ADGRF5: variants seen among roughly 807,000 people sequenced by gnomAD.
ADGRF5 encodes G-protein coupled receptor 116.
ADGRF5 carries 75 observed loss-of-function variants against 132.3 expected under a neutral mutation model. The ratio of observed to expected loss-of-function variants is 0.57; its 90% CI spans 0.47 to 0.69. ADGRF5 has a LOEUF of 0.69. Ranked by LOEUF, ADGRF5 falls within the 30% of genes least tolerant of loss-of-function variation. The pLI, the probability that ADGRF5 is intolerant of heterozygous loss-of-function variation, is 0.00. For synonymous variants in ADGRF5, 629 were observed against 597.6 expected (o/e 1.05, Z -0.77); for missense variants, 1,516 against 1,630.6 (o/e 0.93, Z 1.21).
At position 46,871,845 on chromosome 6, in the gene ADGRF5, A is replaced by T; in HGVS notation, c.1409T>A (p.Val470Glu). ...SANIKVTFIS[V>E]ANLTITPDPI... ...AAAATGCTAGGGAGAGTCCTTACCCACAGAGATGAATGTCACTTTTATGTT... is the reference window on the plus strand; with the variant it reads ...AAAATGCTAGGGAGAGTCCTTACCCTCAGAGATGAATGTCACTTTTATGTT... The change falls in exon 11 of 21, where the codon GTG (valine) becomes GAG (glutamate). Residue 470 changes from valine to glutamate, a missense_variant and splice_region_variant. This residue lies in a region of ADGRF5 where 945 missense variants were observed against 929.4 expected (regional missense o/e 1.02). Transcript: ENST00000283296. 6.3e-7 allele frequency: 1 copy of T among 1,591,812 alleles called. No homozygotes were observed. The highest frequency in any genetic ancestry group is 8.6e-7 in the Non-Finnish European group (1 of 1,162,924).
Position 46,869,067 on chromosome 6 carries a change from T to A in ADGRF5, c.1437A>T (p.Pro479=). The part of the protein sequence containing the change: ...SVANLTITPD[P]ISVSEGQNFS... Reference sequence around the variant, plus strand: ...AGTTTTGTCCCTCAGAAACAGAAATTGGGTCCGGGGTTATTGTTAGATTGG... The same window carrying A: ...AGTTTTGTCCCTCAGAAACAGAAATAGGGTCCGGGGTTATTGTTAGATTGG... The change falls in exon 12 of 21, where the codon CCA becomes CCT. Residue 479 remains proline, a synonymous_variant. Transcript: ENST00000283296. 6.2e-7 allele frequency: 1 copy of A among 1,613,922 alleles called. No individual in the cohort carries two copies. The highest frequency in any genetic ancestry group is 8.5e-7 in the Non-Finnish European group (1 of 1,179,920).
Position 46,884,159 on chromosome 6 carries a change from T to A in ADGRF5, c.441A>T (p.Pro147=). Reference sequence around the variant, plus strand: ...CTTTAAGGCAACTGCAATGGTGCCCTGGGAGGAAGACGTCACGCTCTTGAC... The same window carrying A: ...CTTTAAGGCAACTGCAATGGTGCCCAGGGAGGAAGACGTCACGCTCTTGAC... The part of the protein sequence containing the change: ...LICQERDVFL[P]GHHCSCLKEL... The change falls in exon 5 of 21, where the codon CCA becomes CCT. Residue 147 remains proline, a synonymous_variant. Transcript: ENST00000283296. 1 of 1,614,138 alleles carries A rather than the reference T, an allele frequency of 6.2e-7. No individual in the cohort carries two copies. Among genetic ancestry groups the A allele is most frequent in the Non-Finnish European group, 8.5e-7 (1 of 1,179,980 alleles).
At chr6:46,942,674 T>G (rs1283619377) in intron 1 of ADGRF5, among the ~76,000 whole-genome samples, 1 of 152,240 alleles carries the variant, frequency 6.6e-6, no homozygotes, top group African/African-American at 2.4e-5. Context: ...ATGAGAAGCC[T>G]GCACATAGGA....
chr6:46,862,981 C>A lies in ADGRF5; in HGVS notation c.2106G>T (p.Gly702=), dbSNP rs1468405986. Residue 702 remains glycine, a synonymous_variant, in exon 15 of 21, where the codon GGG becomes GGT. Transcript: ENST00000283296. Reference sequence around the variant, plus strand: ...AGCCTACACATTTGTAAGTGATGGTCCCGCCAATGGGACTCTCAGGGCTGC... The same window carrying A: ...AGCCTACACATTTGTAAGTGATGGTACCGCCAATGGGACTCTCAGGGCTGC... The part of the protein sequence containing the change: ...VPSSPESPIG[G]TITYKCVGSQ... 1 of 1,613,438 alleles carries A rather than the reference C, an allele frequency of 6.2e-7. No homozygotes were observed.
chr6:46,920,773 G>A (rs1260468873), intron 1 of ADGRF5, among the ~76,000 whole-genome samples: 23 of 151,936 alleles, frequency 1.5e-4, no homozygotes, highest in Admixed American at 1.5e-3. Context: ...TGAGGCAGGA[G>A]GATCGTTTGA....
At chr6:46,950,646 C>G (rs1778463621) in intron 1 of ADGRF5, among the ~76,000 whole-genome samples, 1 of 152,186 alleles carries the variant, frequency 6.6e-6, no homozygotes, top group Non-Finnish European at 1.5e-5. Context: ...TCCTGAGTAG[C>G]TGGGACTACA....
intron 1 of ADGRF5, among the ~76,000 whole-genome samples, chr6:46,935,002 T>TC (rs1332706278): frequency 7.1e-6 from 1 of 140,988 alleles, no homozygotes; most frequent in African/African-American, 2.7e-5. Context: ...ATAGTTCTTT[T>TC]TTTTTTTTTT....
At chr6:46,942,746 A>AT (rs1343002766) in intron 1 of ADGRF5, among the ~76,000 whole-genome samples, 11 of 152,066 alleles carry the variant, frequency 7.2e-5, no homozygotes, top group African/African-American at 2.7e-4. Context: ...AAATATGCCT[A>AT]TTTTATCTCT....
At chr6:46,900,537 T>G (rs927834340) in intron 2 of ADGRF5, among the ~76,000 whole-genome samples, 1 of 152,144 alleles carries the variant, frequency 6.6e-6, no homozygotes, top group Non-Finnish European at 1.5e-5. Flanking sequence ...CTTTAACCAT[T>G]GTGTGTGCTT....
chr6:46,891,607 A>G (rs111965479), intron 3 of ADGRF5, among the ~76,000 whole-genome samples: 130 of 152,332 alleles, frequency 8.5e-4, no homozygotes, highest in Non-Finnish European at 1.4e-3. Flanking sequence ...GTTGAATCCC[A>G]GGACCTGATC....
At chr6:46,938,675 T>C (rs1343018431) in intron 1 of ADGRF5, among the ~76,000 whole-genome samples, 1 of 152,068 alleles carries the variant, frequency 6.6e-6, no homozygotes, top group African/African-American at 2.4e-5. Context: ...ACTTCTGGGT[T>C]CCCCCTGTGA....
Position 46,941,423 on chromosome 6 carries a change from AAAGAAAAG to A in ADGRF5, c.-25+13303_-25+13310del, listed in dbSNP as rs772576800. Among the ~76,000 whole-genome samples, 438 of 57,498 alleles carry A rather than the reference AAAGAAAAG, an allele frequency of 7.6e-3. 8 individuals are homozygous for A. Among genetic ancestry groups the A allele is most frequent in the East Asian group, 0.017 (24 of 1,454 alleles). 37.7% of individuals were successfully genotyped at this position (57,498 alleles called of 152,430 possible). A position where few individuals can be genotyped will look rare whatever the true frequency, so the allele number is the denominator to read the frequency against. ...AAAGAAAAGAAAAGAAAAGAAAAGAAAAGAAAAGAAAAGAAAAGAAAAGAAAAGAAAAG... is the reference window on the plus strand; with the variant it reads ...AAAGAAAAGAAAAGAAAAGAAAAGAAAAAAGAAAAGAAAAGAAAAGAAAAG... On this transcript the variant is annotated intron_variant, in intron 1 of 20. Coordinates refer to the ADGRF5 transcript ENST00000265417.
chr6:46,907,823 A>G (rs1775551029), intron 1 of ADGRF5: 1 of 152,186 alleles, frequency 6.6e-6, no homozygotes, highest in Non-Finnish European at 1.5e-5. Flanking sequence ...AAGTTTTCCC[A>G]TCTGTAAAAC....
chr6:46,914,708 TCTTATC>T (rs1190491906), intron 1 of ADGRF5, among the ~76,000 whole-genome samples: 1 of 151,682 alleles, frequency 6.6e-6, no homozygotes, highest in Non-Finnish European at 1.5e-5. Flanking sequence ...TCCTAACTGC[TCTTATC>T]TAGTCCGTCT....
intron 3 of ADGRF5, among the ~76,000 whole-genome samples, chr6:46,897,858 A>G (rs1052855303): frequency 6.6e-6 from 1 of 152,132 alleles, no homozygotes; most frequent in Non-Finnish European, 1.5e-5. Flanking sequence ...TCTTAATTGC[A>G]ACTTACATTC....
chr6:46,875,455 G>A (rs1771551670), intron 10 of ADGRF5, among the ~76,000 whole-genome samples: 1 of 152,294 alleles, frequency 6.6e-6, no homozygotes, highest in East Asian at 1.9e-4. Flanking sequence ...TGTGTGGGGA[G>A]TGGAGAAAAA....
At chr6:46,937,046 G>A (rs528793510) in intron 1 of ADGRF5, among the ~76,000 whole-genome samples, 89 of 152,168 alleles carry the variant, frequency 5.8e-4, no homozygotes, top group Admixed American at 2.2e-3. Flanking sequence ...CAATGCTGTC[G>A]GTTCTATGTT....
At chr6:46,910,455 A>G (rs1775828689) in intron 1 of ADGRF5, among the ~76,000 whole-genome samples, 1 of 152,078 alleles carries the variant, frequency 6.6e-6, no homozygotes, top group Admixed American at 6.6e-5. Context: ...GGTGCTCACT[A>G]TATTCTAGGT....
chr6:46,933,174 T>C (rs908718487), intron 1 of ADGRF5, among the ~76,000 whole-genome samples: 1 of 152,214 alleles, frequency 6.6e-6, no homozygotes, highest in Non-Finnish European at 1.5e-5. Context: ...ACAGAGCTCG[T>C]GAGTGAGCTT....
Sources: gnomAD v4.1 joint callset for allele counts (sites outside exome capture counted in the v4.1 genomes callset) on GRCh38, gnomAD v4.1.1 for gene constraint, gnomAD v4.1.1 regional missense constraint, MANE v1.5 for transcripts, NCBI Gene and HGNC (gene_info 2026-07-23, HGNC 2026-07-21) for gene names.